HPCAL1: variants seen among roughly 807,000 people sequenced by gnomAD.
HPCAL1 encodes hippocalcin-like protein 1.
HPCAL1 carries 8 observed loss-of-function variants against 17.1 expected under a neutral mutation model. The observed-to-expected ratio is 0.47, with a 90% CI of 0.27 to 0.84. The LOEUF is 0.84. Among genes scored for constraint, HPCAL1 ranks in the 40% least tolerant of loss-of-function variants. HPCAL1 has a pLI of 0.13. For missense variants in HPCAL1, 165 were observed against 271.1 expected (o/e 0.61, Z 2.75); for synonymous variants, 112 against 111.4 (o/e 1.01, Z -0.03).
chr2:10,311,975 C>T (rs1490007275), intron 1 of HPCAL1, among the ~76,000 whole-genome samples: 2 of 151,568 alleles, frequency 1.3e-5, no homozygotes, highest in African/African-American at 4.8e-5. Flanking sequence ...ACTGTCATCA[C>T]CATCACCACC....
intron 2 of HPCAL1, among the ~76,000 whole-genome samples, chr2:10,398,416 C>A (rs1485921722): frequency 6.6e-6 from 1 of 152,246 alleles, no homozygotes; most frequent in Non-Finnish European, 1.5e-5. Context: ...TTTGAATACT[C>A]AGCCAGGCTA....
rs1417140449 is a variant in HPCAL1, at chr2:10,331,651, G to A, written c.-111+28474G>A. Among the ~76,000 whole-genome samples, 1 of 152,110 alleles carries A rather than the reference G, an allele frequency of 6.6e-6. No homozygotes were observed. Among genetic ancestry groups the A allele is most frequent in the African/African-American group, 2.4e-5 (1 of 41,412 alleles). On this transcript the variant is annotated intron_variant, in intron 1 of 4. Transcript: ENST00000307845. The surrounding 1 kb of genome is among the most constrained non-coding windows in gnomAD (Gnocchi z 5.0). ...TCCAGGGATGGGTGTGAGGCTGTCT[G>A]CCCCCCACTGCACGCCCGGCTGTCA...
At chr2:10,404,562 G>A (rs1346152727) in intron 2 of HPCAL1, among the ~76,000 whole-genome samples, 1 of 152,202 alleles carries the variant, frequency 6.6e-6, no homozygotes. Context: ...GATGAGAGGA[G>A]GGACCTCATG....
Position 10,343,032 on chromosome 2 carries a change from A to C in HPCAL1, c.-111+39855A>C, listed in dbSNP as rs1189340407. On this transcript the variant is annotated intron_variant, in intron 1 of 4. Coordinates refer to ENST00000307845, the MANE Select transcript of HPCAL1 (RefSeq NM_002149.4). The surrounding 1 kb of genome is among the most constrained non-coding windows in gnomAD (Gnocchi z 4.8). ...CCAGCTGTTGCAAGTTTTAAACTCA[A>C]TGTGCCTCTGGATGTGTGTGTAGAG... 2.7e-4 allele frequency among the ~76,000 whole-genome samples: 41 copies of C among 152,116 alleles called. 1 individual carries two copies. The highest frequency in any genetic ancestry group is 2.7e-3 in the Admixed American group (41 of 15,280).
chr2:10,345,764 C>T (rs1665396435), intron 1 of HPCAL1, among the ~76,000 whole-genome samples: 1 of 152,154 alleles, frequency 6.6e-6, no homozygotes, highest in South Asian at 2.1e-4. Flanking sequence ...TCCAGAAAAA[C>T]TTTTAAAAAT....
intron 1 of HPCAL1, among the ~76,000 whole-genome samples, chr2:10,378,192 C>T (rs1667701298): frequency 6.7e-6 from 1 of 149,350 alleles, no homozygotes; most frequent in Non-Finnish European, 1.5e-5. Flanking sequence ...CAGCTACTTG[C>T]CCAAGAAAAA....
chr2:10,376,210 C>G (rs779310982), intron 1 of HPCAL1, among the ~76,000 whole-genome samples: 3 of 152,206 alleles, frequency 2.0e-5, no homozygotes, highest in Non-Finnish European at 4.4e-5. Context: ...AATTAAGACA[C>G]TTTTCTTTAT....
chr2:10,426,320 C>T (rs1403660583), intron 4 of HPCAL1: 9 of 198,372 alleles, frequency 4.5e-5, no homozygotes, highest in East Asian at 4.2e-4. Context: ...GGATCCGGAC[C>T]GTGCTTCCGG....
rs942634166 is a variant in HPCAL1 at position 10,367,343 on chromosome 2, C to G, written c.-110-29492C>G. ...TTGCTCTGTCACCCAGGCTAGAGTG[C>G]GAGCTCGATCATAGCTCACTGCAAC... On this transcript the variant is annotated intron_variant, in intron 1 of 4. Coordinates refer to ENST00000307845, the MANE Select transcript of HPCAL1 (RefSeq NM_002149.4). The surrounding 1 kb of genome is among the most constrained non-coding windows in gnomAD (Gnocchi z 4.4). 6.6e-6 allele frequency among the ~76,000 whole-genome samples: 1 copy of G among 151,768 alleles called. No individual in the cohort carries two copies. The highest frequency in any genetic ancestry group is 1.5e-5 in the Non-Finnish European group (1 of 67,980).
chr2:10,364,141 T>G (rs1250024056), intron 1 of HPCAL1, among the ~76,000 whole-genome samples: 2 of 152,196 alleles, frequency 1.3e-5, no homozygotes, highest in Non-Finnish European at 2.9e-5. Flanking sequence ...CCTCCTGCCC[T>G]GCCTGGGTGC....
At chr2:10,399,233 C>T (rs1558517432) in intron 2 of HPCAL1, among the ~76,000 whole-genome samples, 3 of 66,422 alleles carry the variant, frequency 4.5e-5, no homozygotes, top group Non-Finnish European at 9.0e-5. Context: ...CCACCACCAC[C>T]ACCACCATCA....
In HPCAL1 at chr2:10,344,071, C is replaced by G. The variant is rs1463748198; in HGVS notation, c.-111+40894C>G. Among the ~76,000 whole-genome samples, 1 of 152,166 alleles carries G rather than the reference C, an allele frequency of 6.6e-6. No homozygotes were observed. Among genetic ancestry groups the G allele is most frequent in the Non-Finnish European group, 1.5e-5 (1 of 68,044 alleles). On this transcript the variant is annotated intron_variant, in intron 1 of 4. Transcript: ENST00000307845. This position sits in a 1 kb window ranked among gnomAD's most constrained non-coding sequence, Gnocchi z 4.9. ...GCTGTCGAAGGAGCAGGGATGAAGA[C>G]TCCCTTATTAAAAACTAAACAAAAC...
In HPCAL1 at chr2:10,330,470, C is replaced by A. The variant is rs908963302; in HGVS notation, c.-111+27293C>A. The stretch of plus-strand genomic sequence containing the variant: ...GTCATAGTCTGGGTGCCTTAAACAA[C>A]AGGAATTCTTTTTTTTTTACAGTAT... On this transcript the variant is annotated intron_variant, in intron 1 of 4. Coordinates refer to ENST00000307845, the MANE Select transcript of HPCAL1 (RefSeq NM_002149.4). The surrounding 1 kb of genome is among the most constrained non-coding windows in gnomAD (Gnocchi z 4.2). 2.7e-5 allele frequency among the ~76,000 whole-genome samples: 4 copies of A among 147,516 alleles called. No individual in the cohort carries two copies. The highest frequency in any genetic ancestry group is 1.0e-4 in the African/African-American group (4 of 38,798).
At position 10,303,083 on chromosome 2, in the gene HPCAL1, G is replaced by C. The variant is rs948738101; in HGVS notation, c.-205G>C. 1 of 151,868 alleles carries C rather than the reference G, an allele frequency of 6.6e-6. No individual in the cohort carries two copies. The highest frequency in any genetic ancestry group is 6.6e-5 in the Admixed American group (1 of 15,246). The allele number at this position is 151,868 out of a possible 1,614,324, so 9.4% of individuals were successfully genotyped here. A position where few individuals can be genotyped will look rare whatever the true frequency, so the allele number is the denominator to read the frequency against. On this transcript the variant is annotated 5_prime_UTR_variant, in exon 1 of 5. Transcript: ENST00000307845. ...TAGTCACTCCTCCCGGCCTCGGCGCGCTTGTCCCGGGCAGCGGCCCGGGCC... is the reference window on the plus strand; with the variant it reads ...TAGTCACTCCTCCCGGCCTCGGCGCCCTTGTCCCGGGCAGCGGCCCGGGCC...
chr2:10,400,754 C>T (rs1669550800), intron 2 of HPCAL1, among the ~76,000 whole-genome samples: 1 of 149,494 alleles, frequency 6.7e-6, no homozygotes. Context: ...CACACACGTA[C>T]ACACCCACAT....
At chr2:10,357,449 C>A (rs1056053096) in intron 1 of HPCAL1, among the ~76,000 whole-genome samples, 16 of 152,198 alleles carry the variant, frequency 1.1e-4, no homozygotes, top group Non-Finnish European at 1.3e-4. Flanking sequence ...GGCAGGGGCC[C>A]GGGAACCACC....
chr2:10,405,968 T>C (rs1413792232), intron 2 of HPCAL1, among the ~76,000 whole-genome samples: 1 of 152,216 alleles, frequency 6.6e-6, no homozygotes, highest in Non-Finnish European at 1.5e-5. Context: ...TTTTGTTGTG[T>C]GATTGAATAG....
At chr2:10,418,803 T>C (rs1444001345) in intron 2 of HPCAL1, among the ~76,000 whole-genome samples, 1 of 152,170 alleles carries the variant, frequency 6.6e-6, no homozygotes, top group Non-Finnish European at 1.5e-5. Context: ...AGCAGAGCAG[T>C]TCCTCGTTCC....
At chr2:10,361,117 C>T (rs1666497691) in intron 1 of HPCAL1, among the ~76,000 whole-genome samples, 1 of 146,456 alleles carries the variant, frequency 6.8e-6, no homozygotes, top group Non-Finnish European at 1.5e-5. Context: ...CCCTGGAAAG[C>T]CCGGCGTGTC....
Sources: gnomAD v4.1 joint callset for allele counts (sites outside exome capture counted in the v4.1 genomes callset) on GRCh38, gnomAD v4.1.1 for gene constraint, Gnocchi (gnomAD v3.1) non-coding constraint, MANE v1.5 for transcripts, NCBI Gene and HGNC (gene_info 2026-07-23, HGNC 2026-07-21) for gene names.